ATIC: variants seen among roughly 807,000 people sequenced by gnomAD.
The protein encoded by ATIC is bifunctional purine biosynthesis protein ATIC.
ATIC carries 64 observed loss-of-function variants against 72.5 expected under a neutral mutation model. That is an observed-to-expected ratio of 0.88 (90% CI 0.72 to 1.09). The LOEUF (loss-of-function observed/expected upper bound fraction) is 1.09. Among genes scored for constraint, ATIC ranks in the 50% least tolerant of loss-of-function variants. ATIC has a pLI of 0.00. For missense variants in ATIC, 787 were observed against 732.4 expected, an observed-to-expected ratio of 1.07 and a Z score of -0.86; for synonymous variants, 281 against 267.1, an observed-to-expected ratio of 1.05 and a Z score of -0.51.
At chr2:215,342,869 G>A (rs1158179485) in intron 12 of ATIC, among the ~76,000 whole-genome samples, 4 of 152,106 alleles carry the variant, frequency 2.6e-5, no homozygotes, top group East Asian at 1.9e-4. Flanking sequence ...CAGTAGAGAC[G>A]GGGTTTCACC....
intron 9 of ATIC, among the ~76,000 whole-genome samples, chr2:215,334,294 A>G (rs2106021916): frequency 6.7e-6 from 1 of 148,600 alleles, no homozygotes; most frequent in South Asian, 2.2e-4. Flanking sequence ...CCTGGGTTCA[A>G]GCGATTCTCC....
At chr2:215,338,695 A>C (rs1044829554) in intron 11 of ATIC, 84 bp from the exon 12 acceptor site, 20 of 1,429,230 alleles carry the variant, frequency 1.4e-5, no homozygotes, top group Non-Finnish European at 1.9e-5. Flanking sequence ...CTTTACTTAC[A>C]ATGAAATCTT....
At chr2:215,330,177 GT>G (rs1317352631) in intron 7 of ATIC, among the ~76,000 whole-genome samples, 1 of 152,150 alleles carries the variant, frequency 6.6e-6, no homozygotes, top group African/African-American at 2.4e-5. Flanking sequence ...TACATATGGT[GT>G]TTTGTTTTAT....
chr2:215,361,133 C>T, the ATIC span: 1 of 179,178 alleles, frequency 5.6e-6, no homozygotes, highest in African/African-American at 2.4e-5. Context: ...GTAACAAGAT[C>T]ATGCTTGTTC....
At chr2:215,357,403 C>A in the ATIC span, among the ~76,000 whole-genome samples, 1 of 152,202 alleles carries the variant, frequency 6.6e-6, no homozygotes, top group African/African-American at 2.4e-5. Context: ...TAGTTTCAAT[C>A]CTTTGGGGGC....
rs749954526 is a variant in ATIC, at chr2:215,338,739, G to A, written c.1099-40G>A. 1.9e-6 allele frequency: 3 copies of A among 1,601,298 alleles called. No homozygotes were observed. In the South Asian group the frequency reaches 3.3e-5, roughly 18 times the overall value. On this transcript the variant is annotated intron_variant, in intron 11 of 15. Transcript: ENST00000236959. ...AAATTAAATGAAAAATTTGAGGGAA[G>A]TGGAGAGATTAACTTTAACTTTTAA...
At chr2:215,364,627 A>T in the ATIC span, 1 of 565,514 alleles carries the variant, frequency 1.8e-6, no homozygotes, top group Non-Finnish European at 3.2e-6. Flanking sequence ...ATGACTCAAG[A>T]CTTGTGTTTT....
chr2:215,331,571 C>T (rs1242269275), intron 7 of ATIC, among the ~76,000 whole-genome samples: 1 of 151,710 alleles, frequency 6.6e-6, no homozygotes, highest in Non-Finnish European at 1.5e-5. Context: ...TTAGTAGAGA[C>T]GGGGGTTTCA....
intron 2 of ATIC, among the ~76,000 whole-genome samples, chr2:215,313,150 G>C (rs535378658): frequency 6.6e-6 from 1 of 152,310 alleles, no homozygotes; most frequent in East Asian, 1.9e-4. Flanking sequence ...TTGAGTAAGG[G>C]AAAAGTAGGA....
At chr2:215,351,829 C>T (rs1247600664), downstream of ATIC, among the ~76,000 whole-genome samples, 1 of 152,198 alleles carries the variant, frequency 6.6e-6, no homozygotes, top group African/African-American at 2.4e-5. Context: ...GTGGAGAAAA[C>T]TGACACTTTC....
chr2:215,314,832 T>C (rs2052692193), intron 2 of ATIC, among the ~76,000 whole-genome samples: 1 of 152,158 alleles, frequency 6.6e-6, no homozygotes, highest in Non-Finnish European at 1.5e-5. Flanking sequence ...TCCTTTGCTC[T>C]CCATCGTAAA....
chr2:215,318,629 G>A (rs752772229), intron 3 of ATIC, among the ~76,000 whole-genome samples: 8 of 151,948 alleles, frequency 5.3e-5, no homozygotes, highest in African/African-American at 9.7e-5. Context: ...ACATTTGTTC[G>A]TTCACCTAAG....
intron 4 of ATIC, among the ~76,000 whole-genome samples, chr2:215,320,378 A>G (rs2052753915): frequency 6.6e-6 from 1 of 152,122 alleles, no homozygotes; most frequent in African/African-American, 2.4e-5. Context: ...GTAATTTATG[A>G]AAACAGGTTT....
chr2:215,325,913 A>T (rs1168470332), intron 5 of ATIC, 74 bp from the exon 6 acceptor site: 60 of 1,551,854 alleles, frequency 3.9e-5, no homozygotes, highest in Non-Finnish European at 5.1e-5. Flanking sequence ...GTACATGCAC[A>T]ATGACTTTAT....
In ATIC at chr2:215,338,905, G is replaced by T; in HGVS notation, c.1225G>T (p.Asp409Tyr). Residue 409 changes from aspartate to tyrosine, a missense_variant and splice_region_variant, in exon 12 of 16, where the codon GAT becomes TAT. By Grantham distance (160) the Asp-to-Tyr change is radical. Coordinates refer to ENST00000236959, the MANE Select transcript of ATIC (RefSeq NM_004044.7). ...LFSNVVTKNK[D>Y]LPESALRDLI... ...TAGCAATGTTGTTACCAAAAATAAAGATGTAAGTTGGGAAGTATCTGAACT... is the reference window on the plus strand; with the variant it reads ...TAGCAATGTTGTTACCAAAAATAAATATGTAAGTTGGGAAGTATCTGAACT... 6.2e-7 allele frequency: 1 copy of T among 1,613,204 alleles called. No individual in the cohort carries two copies. Among genetic ancestry groups the T allele is most frequent in the South Asian group, 1.1e-5 (1 of 91,038 alleles).
At chr2:215,359,618 G>A in the ATIC span, among the ~76,000 whole-genome samples, 1 of 152,132 alleles carries the variant, frequency 6.6e-6, no homozygotes, top group African/African-American at 2.4e-5. Flanking sequence ...ATTTCGCTAA[G>A]GAAACCTCAT....
intron 2 of ATIC, among the ~76,000 whole-genome samples, chr2:215,313,938 G>A (rs1489063851): frequency 6.6e-6 from 1 of 152,044 alleles, no homozygotes; most frequent in Admixed American, 6.6e-5. Flanking sequence ...GCCAAGTTGG[G>A]TCCTCCTATG....
At chr2:215,322,396 C>A (rs1450966205) in intron 4 of ATIC, among the ~76,000 whole-genome samples, 1 of 144,086 alleles carries the variant, frequency 6.9e-6, no homozygotes, top group Non-Finnish European at 1.5e-5. Context: ...GTGGCGTGAT[C>A]TCGGCTCACT....
At chr2:215,353,431 A>G (rs1407990782), downstream of ATIC, among the ~76,000 whole-genome samples, 1 of 151,962 alleles carries the variant, frequency 6.6e-6, no homozygotes, top group Non-Finnish European at 1.5e-5. Flanking sequence ...CAGACTTTCT[A>G]AGGTTTGTGT....
Sources: gnomAD v4.1 joint callset for allele counts (sites outside exome capture counted in the v4.1 genomes callset) on GRCh38, gnomAD v4.1.1 for gene constraint, MANE v1.5 for transcripts, NCBI Gene and HGNC (gene_info 2026-07-23, HGNC 2026-07-21) for gene names.